Variants in MTX2 observed in about 807,000 individuals in gnomAD.
MTX2 encodes the protein metaxin-2.
Under a neutral mutation model 42.3 loss-of-function variants are expected in MTX2, and 35 were observed. That is an observed-to-expected ratio of 0.83 (90% CI 0.63 to 1.10). The LOEUF is 1.10. Among genes scored for constraint, MTX2 ranks in the 50% least tolerant of loss-of-function variants. The probability of loss-of-function intolerance (pLI) is 0.00; values close to 1 mark genes in which losing one functional copy is unlikely to be tolerated. For synonymous variants in MTX2, 119 were observed against 100.9 expected (o/e 1.18, Z -1.08); for missense variants, 307 against 304.1 (o/e 1.01, Z -0.07).
intron 1 of MTX2, among the ~76,000 whole-genome samples, chr2:176,295,892 G>T (rs1177455002): frequency 6.6e-6 from 1 of 152,094 alleles, no homozygotes; most frequent in Non-Finnish European, 1.5e-5. Flanking sequence ...AACACAATTA[G>T]AAATATATCA....
At chr2:176,328,841 T>A in intron 6 of MTX2, 33 bp from the exon 7 acceptor site, 1 of 1,591,240 alleles carries the variant, frequency 6.3e-7, no homozygotes. Flanking sequence ...TCTTTGGTAT[T>A]CTAAAGTTTA....
At chr2:176,325,626 G>C (rs920085352) in intron 4 of MTX2, among the ~76,000 whole-genome samples, 1 of 151,666 alleles carries the variant, frequency 6.6e-6, no homozygotes, top group Non-Finnish European at 1.5e-5. Flanking sequence ...CCCAAATACT[G>C]TTTGTCTAGG....
In MTX2 at chr2:176,309,373, A is replaced by T. The variant is rs1232207158; in HGVS notation, c.135+11478A>T. ...CTGAGAAGAATGTATATTCTGTTGA[A>T]TTGGGGTGGAGAGTTCTGTAGGTGT... is the stretch of plus-strand genomic sequence containing the variant. On this transcript the variant is annotated intron_variant, in intron 3 of 9. Transcript: ENST00000249442. 2.6e-5 allele frequency among the ~76,000 whole-genome samples: 4 copies of T among 152,198 alleles called. No individual in the cohort carries two copies. The East Asian group carries it at 5.8e-4, about 22-fold the overall frequency.
chr2:176,282,727 G>A (rs1371688824), intron 1 of MTX2, among the ~76,000 whole-genome samples: 1 of 142,546 alleles, frequency 7.0e-6, no homozygotes, highest in East Asian at 2.1e-4. Context: ...TTTTTGAGAT[G>A]GAGTCTTGCT....
At chr2:176,304,923 C>G (rs1312957486) in intron 3 of MTX2, among the ~76,000 whole-genome samples, 1 of 152,024 alleles carries the variant, frequency 6.6e-6, no homozygotes, top group Non-Finnish European at 1.5e-5. Context: ...GTTCATGTGA[C>G]TTACATAAAT....
rs189742337 is a variant in MTX2 at position 176,305,062 on chromosome 2, A to G, written c.135+7167A>G. 1.7e-3 allele frequency among the ~76,000 whole-genome samples: 265 copies of G among 152,178 alleles called. 2 individuals carry two copies. Among genetic ancestry groups the G allele is most frequent in the African/African-American group, 5.8e-3 (241 of 41,558 alleles). ...ACTTTTATATTTTTATTGGCAAGCA[A>G]TGCTGATTTTATTGCTTAGGTGCAA... is the stretch of plus-strand genomic sequence containing the variant. On this transcript the variant is annotated intron_variant, in intron 3 of 9. Coordinates refer to ENST00000249442, the MANE Select transcript of MTX2 (RefSeq NM_006554.5).
chr2:176,305,642 T>A (rs186853183), intron 3 of MTX2, among the ~76,000 whole-genome samples: 133 of 152,262 alleles, frequency 8.7e-4, no homozygotes, highest in Non-Finnish European at 1.5e-3. Context: ...AGGGAAAGCT[T>A]ATATCTTTCT....
chr2:176,306,983 A>G (rs939098033), intron 3 of MTX2, among the ~76,000 whole-genome samples: 4 of 152,198 alleles, frequency 2.6e-5, no homozygotes, highest in African/African-American at 9.7e-5. Context: ...GTCCTTGCCC[A>G]TGCCTGTGTC....
intron 3 of MTX2, among the ~76,000 whole-genome samples, chr2:176,300,315 A>G (rs528788914): frequency 8.5e-5 from 13 of 152,250 alleles, no homozygotes; most frequent in African/African-American, 2.4e-4. Context: ...TGTGATTTGA[A>G]ATTTTCTAGA....
intron 1 of MTX2, among the ~76,000 whole-genome samples, chr2:176,294,524 C>T (rs1053355070): frequency 1.3e-5 from 2 of 152,150 alleles, no homozygotes; most frequent in Non-Finnish European, 2.9e-5. Flanking sequence ...ATCCACCCGC[C>T]TCGGCCTCCC....
intron 3 of MTX2, among the ~76,000 whole-genome samples, chr2:176,298,352 G>A (rs1575043561): frequency 6.6e-6 from 1 of 151,978 alleles, no homozygotes; most frequent in Non-Finnish European, 1.5e-5. Context: ...CTGTAGCAAT[G>A]TTCTGGTTCT....
intron 3 of MTX2, among the ~76,000 whole-genome samples, chr2:176,308,133 C>G (rs1405521470): frequency 6.6e-6 from 1 of 151,968 alleles, no homozygotes; most frequent in Non-Finnish European, 1.5e-5. Flanking sequence ...TGTCAAAGGC[C>G]TTTTCTGCAT....
intron 3 of MTX2, among the ~76,000 whole-genome samples, chr2:176,319,504 C>T (rs913370594): frequency 1.3e-5 from 2 of 150,982 alleles, no homozygotes; most frequent in African/African-American, 4.9e-5. Context: ...AGCTATCCTA[C>T]CATAGCTTCC....
At chr2:176,271,469 C>G (rs1409510523) in intron 1 of MTX2, among the ~76,000 whole-genome samples, 1 of 151,970 alleles carries the variant, frequency 6.6e-6, no homozygotes, top group Non-Finnish European at 1.5e-5. Flanking sequence ...GAAGACAAAC[C>G]AACAGAATCA....
At chr2:176,309,411 C>A (rs920256665) in intron 3 of MTX2, among the ~76,000 whole-genome samples, 1 of 152,146 alleles carries the variant, frequency 6.6e-6, no homozygotes, top group Non-Finnish European at 1.5e-5. Context: ...ATTAGGTCTG[C>A]TTGTTGCAGA....
chr2:176,279,484 G>A (rs1239462387), intron 1 of MTX2, among the ~76,000 whole-genome samples: 1 of 151,764 alleles, frequency 6.6e-6, no homozygotes, highest in African/African-American at 2.4e-5. Context: ...AAATGTTTTG[G>A]CATTATGAAT....
intron 1 of MTX2, chr2:176,270,463 A>G: frequency 7.8e-7 from 1 of 1,280,508 alleles, no homozygotes. Context: ...TTGTAATGAA[A>G]GAAATTAAAT....
intron 2 of MTX2, 72 bp downstream of exon 2, chr2:176,296,979 C>A (rs1341252884): frequency 1.5e-6 from 2 of 1,361,582 alleles, no homozygotes; most frequent in Non-Finnish European, 1.0e-6. Flanking sequence ...CTCAGTAATA[C>A]AATTTACTGC....
At chr2:176,309,141 C>T (rs561347204) in intron 3 of MTX2, among the ~76,000 whole-genome samples, 19 of 152,222 alleles carry the variant, frequency 1.2e-4, no homozygotes, top group Admixed American at 9.8e-4. Flanking sequence ...GCCTTCATTT[C>T]GTTATTTACC....
Sources: allele counts gnomAD v4.1 joint callset (sites outside exome capture counted in the v4.1 genomes callset), GRCh38; gene constraint gnomAD v4.1.1; transcripts MANE v1.5; gene names NCBI Gene and HGNC (gene_info 2026-07-23, HGNC 2026-07-21).